Variants in SNX13 observed in about 807,000 individuals in gnomAD.
SNX13 encodes sorting nexin 13.
SNX13 carries 45 observed loss-of-function variants against 133.6 expected under a neutral mutation model. The observed-to-expected ratio is 0.34, with a 90% CI of 0.27 to 0.43. SNX13 has a LOEUF of 0.43. Ranked by LOEUF, SNX13 falls within the 20% of genes least tolerant of loss-of-function variation. SNX13 has a pLI of 1.00. For synonymous variants in SNX13, 414 were observed against 373.9 expected (o/e 1.11, Z -1.24); for missense variants, 1,032 against 1,145.1 (o/e 0.90, Z 1.43).
chr7:17,826,579 A>C (rs1258949337), intron 16 of SNX13, among the ~76,000 whole-genome samples: 1 of 152,068 alleles, frequency 6.6e-6, no homozygotes, highest in Non-Finnish European at 1.5e-5. Context: ...TTATGTGGAG[A>C]TTAAATAAGA....
chr7:17,833,600 C>G (rs1270624142), intron 15 of SNX13, among the ~76,000 whole-genome samples: 1 of 151,610 alleles, frequency 6.6e-6, no homozygotes, highest in African/African-American at 2.4e-5. Flanking sequence ...GCTCAAAAGT[C>G]TCTCACACTG....
intron 1 of SNX13, among the ~76,000 whole-genome samples, chr7:17,930,074 A>C (rs201616219): frequency 0.56 from 83,960 of 151,042 alleles, 23,792 homozygotes; most frequent in Non-Finnish European, 0.6. Context: ...AAGAATAAAG[A>C]ATAAGAAAAA....
intron 8 of SNX13, 117 bp downstream of exon 8, chr7:17,873,411 A>T: frequency 2.2e-6 from 1 of 455,632 alleles, no homozygotes; most frequent in Non-Finnish European, 3.8e-6. Context: ...CATAAACAAA[A>T]GCTCTTTGGA....
chr7:17,851,561 T>G (rs1259674210), intron 9 of SNX13, among the ~76,000 whole-genome samples: 1 of 152,040 alleles, frequency 6.6e-6, no homozygotes, highest in Non-Finnish European at 1.5e-5. Flanking sequence ...ACGGGTTTTG[T>G]AAAGACAATG....
chr7:17,833,467 G>C (rs1186365859), intron 15 of SNX13, among the ~76,000 whole-genome samples: 1 of 151,604 alleles, frequency 6.6e-6, no homozygotes, highest in East Asian at 1.9e-4. Context: ...TGATAGAATG[G>C]GAGTAAAATC....
At chr7:17,886,900 A>G (rs1274646356) in intron 5 of SNX13, among the ~76,000 whole-genome samples, 1 of 151,506 alleles carries the variant, frequency 6.6e-6, no homozygotes, top group Non-Finnish European at 1.5e-5. Flanking sequence ...TCTCAATACC[A>G]CAGAAATGAT....
chr7:17,797,422 T>C (rs1466031122), intron 24 of SNX13, among the ~76,000 whole-genome samples: 2 of 151,864 alleles, frequency 1.3e-5, no homozygotes, highest in Non-Finnish European at 2.9e-5. Context: ...TTGACTATAA[T>C]GGTCCTTTCA....
At chr7:17,873,679 T>G in intron 7 of SNX13, 63 bp from the exon 8 acceptor site, 1 of 989,494 alleles carries the variant, frequency 1.0e-6, no homozygotes, top group East Asian at 2.9e-5. Context: ...TTCCTCTTGA[T>G]ATATAAGATA....
intron 5 of SNX13, among the ~76,000 whole-genome samples, chr7:17,887,551 T>TAAC (rs1395158414): frequency 6.6e-6 from 1 of 152,226 alleles, no homozygotes; most frequent in Non-Finnish European, 1.5e-5. Context: ...CATTTAATCC[T>TAAC]AACAACCACC....
chr7:17,844,026 G>T (rs1297508151), intron 12 of SNX13, among the ~76,000 whole-genome samples: 1 of 151,114 alleles, frequency 6.6e-6, no homozygotes, highest in Non-Finnish European at 1.5e-5. Flanking sequence ...AATAGAAAAA[G>T]AACAAATTAA....
intron 1 of SNX13, 69 bp from the exon 2 acceptor site, chr7:17,897,515 A>C: frequency 2.3e-6 from 2 of 875,952 alleles, no homozygotes; most frequent in Non-Finnish European, 3.4e-6. Context: ...AGAACCAACA[A>C]AACTTTTACA....
chr7:17,884,798 T>C (rs959201096), intron 5 of SNX13, among the ~76,000 whole-genome samples: 11 of 152,156 alleles, frequency 7.2e-5, no homozygotes, highest in Non-Finnish European at 1.3e-4. Flanking sequence ...ATCAGGGAAA[T>C]GCAGATTCAA....
chr7:17,873,716 T>A lies in SNX13; in HGVS notation c.665-100A>T, dbSNP rs972153413. On this transcript the variant is annotated intron_variant, in intron 7 of 25. Coordinates refer to ENST00000428135, the MANE Select transcript of SNX13 (RefSeq NM_015132.5). ...ATTTAAAAAGGCAGAAATAACCAGT[T>A]CCCTGGTTACAATGGCTTATTTTAG... The A allele has an allele frequency of 4.9e-6, 3 of 616,182 alleles. No homozygotes were observed. The African/African-American group carries it at 5.7e-5, about 12-fold the overall frequency. The allele number at this position is 616,182 out of a possible 1,614,324, so 38.2% of individuals were successfully genotyped here. A position where few individuals can be genotyped will look rare whatever the true frequency, so the allele number is the denominator to read the frequency against.
intron 15 of SNX13, chr7:17,832,068 T>C: frequency 1.0e-6 from 1 of 982,826 alleles, no homozygotes; most frequent in Non-Finnish European, 1.2e-6. Flanking sequence ...GACAATAAGA[T>C]ACATAAGTAT....
intron 18 of SNX13, among the ~76,000 whole-genome samples, chr7:17,821,013 C>T (rs931223517): frequency 1.3e-5 from 2 of 151,874 alleles, no homozygotes; most frequent in Admixed American, 1.3e-4. Flanking sequence ...GAAAATATTA[C>T]TTGGTTAATA....
chr7:17,822,885 G>A (rs1787459881), intron 17 of SNX13, among the ~76,000 whole-genome samples: 1 of 152,192 alleles, frequency 6.6e-6, no homozygotes, highest in African/African-American at 2.4e-5. Flanking sequence ...GACATACTCA[G>A]GATAGGATGC....
At chr7:17,840,140 G>A in intron 12 of SNX13, 140 bp from the exon 13 acceptor site, 1 of 628,886 alleles carries the variant, frequency 1.6e-6, no homozygotes, top group Non-Finnish European at 2.4e-6. Context: ...GCAAATCCCT[G>A]AGGTGAAAAT....
At chr7:17,930,500 T>G (rs1328142875) in intron 1 of SNX13, among the ~76,000 whole-genome samples, 1 of 152,218 alleles carries the variant, frequency 6.6e-6, no homozygotes, top group Non-Finnish European at 1.5e-5. Flanking sequence ...AATTTTGTGT[T>G]AGTGCCTATT....
At chr7:17,798,189 G>T (rs1452559735) in intron 24 of SNX13, among the ~76,000 whole-genome samples, 1 of 151,888 alleles carries the variant, frequency 6.6e-6, no homozygotes, top group Non-Finnish European at 1.5e-5. Context: ...GCTAGGCACA[G>T]AGGAGGCGCT....
Sources: allele counts gnomAD v4.1 joint callset (sites outside exome capture counted in the v4.1 genomes callset), GRCh38; gene constraint gnomAD v4.1.1; transcripts MANE v1.5; gene names NCBI Gene and HGNC (gene_info 2026-07-23, HGNC 2026-07-21).